Variants in FBXO10 observed in about 807,000 individuals in gnomAD.
FBXO10 encodes F-box only protein 10.
In FBXO10, 39 loss-of-function variants were observed where a neutral mutation model predicts 80.7. That is an observed-to-expected ratio of 0.48 (90% CI 0.37 to 0.63). The LOEUF is 0.63. Among genes scored for constraint, FBXO10 ranks in the 30% least tolerant of loss-of-function variants. The pLI is 0.00. For synonymous variants in FBXO10, 449 were observed against 489.6 expected (o/e 0.92, Z 1.09); for missense variants, 1,025 against 1,269.0 (o/e 0.81, Z 2.92).
At chr9:37,563,796 A>T (rs1044183542) in intron 1 of FBXO10, among the ~76,000 whole-genome samples, 2 of 151,998 alleles carry the variant, frequency 1.3e-5, no homozygotes, top group African/African-American at 2.4e-5. Flanking sequence ...GAAAATTTGC[A>T]GGAGATCATT....
chr9:37,574,694 A>G (rs1038388519), intron 1 of FBXO10, among the ~76,000 whole-genome samples: 1 of 152,236 alleles, frequency 6.6e-6, no homozygotes, highest in Admixed American at 6.5e-5. Context: ...GCCAGCTGTT[A>G]TGAGGTAAGC....
chr9:37,572,539 A>G (rs1214048155), intron 1 of FBXO10, among the ~76,000 whole-genome samples: 3 of 152,252 alleles, frequency 2.0e-5, no homozygotes, highest in Non-Finnish European at 4.4e-5. Context: ...AAACAAGTTG[A>G]GCAAAAGAAG....
In FBXO10 at chr9:37,541,291, T is replaced by C. The variant is rs921534019; in HGVS notation, c.478A>G (p.Lys160Glu). ...GCCAGCAGGGCCACTTCACCCAACT[T>C]CCCCTGCCCTACAATCTCCACAGGC... is the stretch of plus-strand genomic sequence containing the variant. ...KVPVEIVGQG[K>E]LGEVALLASI... is the part of the protein sequence containing the mutation. The change falls in exon 2 of 11, where the codon AAG becomes GAG. Residue 160 changes from lysine (K) to glutamate (E), a missense_variant. Around this residue, in one of 3 missense-constraint regions of FBXO10, gnomAD observed 450 missense variants for 499.4 expected, o/e 0.90. Coordinates refer to ENST00000432825, the MANE Select transcript of FBXO10 (RefSeq NM_012166.3). 2 of 1,613,876 alleles carry C rather than the reference T, an allele frequency of 1.2e-6. No individual in the cohort carries two copies. Among genetic ancestry groups the C allele is most frequent in the Non-Finnish European group, 1.7e-6 (2 of 1,179,854 alleles).
intron 3 of FBXO10, among the ~76,000 whole-genome samples, chr9:37,534,123 AT>A (rs1259867700): frequency 1.3e-5 from 2 of 152,022 alleles, no homozygotes; most frequent in Admixed American, 6.5e-5. Context: ...AAAATCTGGA[AT>A]GTTTATCTAT....
In FBXO10 at chr9:37,537,179, G is replaced by A; in HGVS notation, c.1350C>T (p.Gly450=). 1 of 1,613,986 alleles carries A rather than the reference G, an allele frequency of 6.2e-7. No homozygotes were observed. Among genetic ancestry groups the A allele is most frequent in the Non-Finnish European group, 8.5e-7 (1 of 1,179,912 alleles). Residue 450 remains glycine (G), a synonymous_variant, in exon 3 of 11, where the codon GGC becomes GGT. Transcript: ENST00000432825. ...AGATGTTTCCTTCCATCTTGGCTCT[G>A]CCGTGGGAGCAGACGAAGACGCCTC... ...GKGGVFVCSH[G]RAKMEGNIFR... is the part of the protein sequence containing the mutation.
chr9:37,547,302 T>C (rs1029668597), intron 1 of FBXO10, among the ~76,000 whole-genome samples: 1 of 152,136 alleles, frequency 6.6e-6, no homozygotes, highest in African/African-American at 2.4e-5. Flanking sequence ...AAAAATAATA[T>C]GCTGGGGCTG....
chr9:37,573,013 C>G (rs1822796812), intron 1 of FBXO10, among the ~76,000 whole-genome samples: 1 of 152,152 alleles, frequency 6.6e-6, no homozygotes, highest in South Asian at 2.1e-4. Context: ...TCAGGGTGAC[C>G]TGACGACCCC....
chr9:37,516,972 A>AC (rs1299018739), intron 9 of FBXO10, among the ~76,000 whole-genome samples: 5 of 151,828 alleles, frequency 3.3e-5, no homozygotes, highest in Admixed American at 2.0e-4. Flanking sequence ...AAAAAAAAAA[A>AC]AACAAAAAAA....
Position 37,541,274 on chromosome 9 carries a change from G to C in FBXO10, c.495C>G (p.Ala165=). ...IVGQGKLGEV[A]LLASIDQHCS... ...AGTGCTGATCAATGCTGGCCAGCAG[G>C]GCCACTTCACCCAACTTCCCCTGCC... The change falls in exon 2 of 11, where the codon GCC becomes GCG. Residue 165 remains alanine (A), a synonymous_variant. Coordinates refer to ENST00000432825, the MANE Select transcript of FBXO10 (RefSeq NM_012166.3). The C allele has an allele frequency of 1.9e-6, 3 of 1,613,918 alleles. No homozygotes were observed. The East Asian group carries it at 6.7e-5, about 36-fold the overall frequency.
Position 37,512,520 on chromosome 9 carries a change from G to C in FBXO10, c.*27C>G, listed in dbSNP as rs747715614. On this transcript the variant is annotated 3_prime_UTR_variant, in exon 11 of 11. Coordinates refer to ENST00000432825, the MANE Select transcript of FBXO10 (RefSeq NM_012166.3). ...TTAGCTCCTCTGAGCACCCATCCAG[G>C]CTTGGCCCTGAAGCAGGTCTGTGTC... The C allele has an allele frequency of 3.1e-6, 5 of 1,603,080 alleles. No individual in the cohort carries two copies. Among genetic ancestry groups the C allele is most frequent in the African/African-American group, 1.3e-5 (1 of 74,766 alleles).
chr9:37,564,187 T>C (rs139377352), intron 1 of FBXO10, among the ~76,000 whole-genome samples: 4 of 152,378 alleles, frequency 2.6e-5, no homozygotes, highest in East Asian at 3.9e-4. Context: ...GGCTTCCACA[T>C]AGTGTTGAGC....
intron 1 of FBXO10, among the ~76,000 whole-genome samples, chr9:37,545,886 C>T (rs150861016): frequency 0.026 from 3,988 of 152,254 alleles, 187 homozygotes; most frequent in African/African-American, 0.091. Context: ...GTGGCTCACA[C>T]CTGTAATCCC....
In FBXO10 at chr9:37,515,539, G is replaced by C. The variant is rs1027417374; in HGVS notation, c.2696+365C>G. 10 of 171,658 alleles carry C rather than the reference G, an allele frequency of 5.8e-5. No homozygotes were observed. The Middle Eastern group carries it at 7.5e-3, about 128-fold the overall frequency. 10.6% of individuals were successfully genotyped at this position (171,658 alleles called of 1,614,324 possible). A position where few individuals can be genotyped will look rare whatever the true frequency, so the allele number is the denominator to read the frequency against. ...ATTGAGGCAGAGTGACTAAAGGACA[G>C]CAGCAGCATCAACTAACATTTTTAC... On this transcript the variant is annotated intron_variant, in intron 10 of 10. Transcript: ENST00000432825.
intron 8 of FBXO10, among the ~76,000 whole-genome samples, chr9:37,520,000 A>AT (rs891999769): frequency 2.7e-5 from 4 of 150,736 alleles, no homozygotes; most frequent in Non-Finnish European, 5.9e-5. Context: ...TCTGAAAAAA[A>AT]TTTTTTTTTT....
chr9:37,512,303 A>C lies in FBXO10; in HGVS notation c.*244T>G. Reference sequence around the variant, plus strand: ...ATTTGAGCTTCCCCCGCTCTTCACAATCTTTATAGACTTCGAGTGACTGGA... The same window carrying C: ...ATTTGAGCTTCCCCCGCTCTTCACACTCTTTATAGACTTCGAGTGACTGGA... On this transcript the variant is annotated 3_prime_UTR_variant, in exon 11 of 11. Coordinates refer to ENST00000432825, the MANE Select transcript of FBXO10 (RefSeq NM_012166.3). 2.6e-6 allele frequency: 1 copy of C among 390,750 alleles called. No individual in the cohort carries two copies. Among genetic ancestry groups the C allele is most frequent in the Non-Finnish European group, 4.6e-6 (1 of 218,694 alleles). The allele number at this position is 390,750 out of a possible 1,614,324, so 24.2% of individuals were successfully genotyped here. A position where few individuals can be genotyped will look rare whatever the true frequency, so the allele number is the denominator to read the frequency against.
At position 37,512,497 on chromosome 9, in the gene FBXO10, A is replaced by G; in HGVS notation, c.*50T>C. On this transcript the variant is annotated 3_prime_UTR_variant, in exon 11 of 11. Coordinates refer to ENST00000432825, the MANE Select transcript of FBXO10 (RefSeq NM_012166.3). ...TCTTTTCAGGCAGTATTTCCACCTT[A>G]GCTCCTCTGAGCACCCATCCAGGCT... is the stretch of plus-strand genomic sequence containing the variant. 1.9e-6 allele frequency: 3 copies of G among 1,576,962 alleles called. No individual in the cohort carries two copies. The highest frequency in any genetic ancestry group is 2.6e-6 in the Non-Finnish European group (3 of 1,156,890).
chr9:37,517,589 C>T (rs1821218599), intron 9 of FBXO10, among the ~76,000 whole-genome samples: 1 of 108,514 alleles, frequency 9.2e-6, no homozygotes, highest in Admixed American at 8.4e-5. Flanking sequence ...AAGCACTAGA[C>T]AAGAGATAAC....
rs572093823 is a variant in FBXO10 at position 37,570,263 on chromosome 9, G to A, written c.-7+5948C>T. Among the ~76,000 whole-genome samples the A allele has an allele frequency of 1.4e-4, 21 of 152,118 alleles. No individual in the cohort carries two copies. In the East Asian group the frequency reaches 2.7e-3, roughly 20 times the overall value. On this transcript the variant is annotated intron_variant, in intron 1 of 10. Coordinates refer to ENST00000432825, the MANE Select transcript of FBXO10 (RefSeq NM_012166.3). ...CGGGAGGTGGAGGTTGCAGTGAGCC[G>A]AGATTGTGCCATTGCACTCCAGCCT... is the stretch of plus-strand genomic sequence containing the variant.
rs201210928 is a variant in FBXO10, at chr9:37,518,205, C to T, written c.2434G>A (p.Asp812Asn). Residue 812 changes from aspartate (D) to asparagine (N), a missense_variant, in exon 9 of 11, where the codon GAC (aspartate) becomes AAC (asparagine). Asp to Asn is a conservative substitution (Grantham distance 23, BLOSUM62 1). Coordinates refer to ENST00000432825, the MANE Select transcript of FBXO10 (RefSeq NM_012166.3). ...NRGHGIITKG[D>N]STIVIENDII... ...TCGTTTTCAATGACGATGGTGCTGT[C>T]GCCCTTGGTGATAATGCCGTGGCCT... The T allele has an allele frequency of 1.3e-4, 214 of 1,613,954 alleles. 1 individual carries two copies. The highest frequency in any genetic ancestry group is 1.4e-4 in the Non-Finnish European group (164 of 1,179,912).
Sources: allele counts gnomAD v4.1 joint callset (sites outside exome capture counted in the v4.1 genomes callset), GRCh38; gene constraint gnomAD v4.1.1; regional missense constraint gnomAD v4.1.1; transcripts MANE v1.5; gene names NCBI Gene and HGNC (gene_info 2026-07-23, HGNC 2026-07-21).